PNISR: variants seen among roughly 807,000 people sequenced by gnomAD.
PNISR encodes the protein arginine/serine-rich protein PNISR.
A neutral mutation model predicts 93.4 loss-of-function variants in PNISR; 20 were observed. The ratio of observed to expected loss-of-function variants is 0.21; its 90% confidence interval spans 0.15 to 0.31. The LOEUF is 0.31. PNISR is among the 10% of genes least tolerant of loss of function. The pLI is 1.00. For synonymous variants in PNISR, 305 were observed against 306.5 expected (o/e 0.99, Z 0.05); for missense variants, 893 against 985.4 (o/e 0.91, Z 1.25).
In PNISR at chr6:99,401,710, G is replaced by T. The variant is rs190303680; in HGVS notation, c.1328-80C>A. 146 of 1,121,830 alleles carry T rather than the reference G, an allele frequency of 1.3e-4. No homozygotes were observed. In the East Asian group the frequency reaches 3.6e-3, roughly 27 times the overall value. 69.5% of individuals were successfully genotyped at this position (1,121,830 alleles called of 1,614,324 possible). A position where few individuals can be genotyped will look rare whatever the true frequency, so the allele number is the denominator to read the frequency against. ...CTACCAAATGTCAAGCTACCAGACT[G>T]TAACAATAGAACACCATTTTCAATA... On this transcript the variant is annotated intron_variant, in intron 11 of 11. Coordinates refer to ENST00000369239, the MANE Select transcript of PNISR (RefSeq NM_032870.4).
At chr6:99,403,729 C>A in intron 10 of PNISR, 100 bp downstream of exon 10, 1 of 794,184 alleles carries the variant, frequency 1.3e-6, no homozygotes, top group South Asian at 2.1e-5. Flanking sequence ...TTTTTATAAA[C>A]TGAGTAGGAC....
intron 8 of PNISR, among the ~76,000 whole-genome samples, chr6:99,405,058 C>T (rs1240621804): frequency 7.9e-5 from 12 of 152,114 alleles, no homozygotes; most frequent in African/African-American, 2.4e-4. Flanking sequence ...GGATTACAGG[C>T]GTGAGCCACC....
chr6:99,422,738 G>A (rs1778726751), intron 1 of PNISR, among the ~76,000 whole-genome samples: 1 of 152,054 alleles, frequency 6.6e-6, no homozygotes, highest in African/African-American at 2.4e-5. Flanking sequence ...GCTGGGCATG[G>A]TGGCATATAC....
intron 9 of PNISR, 152 bp from the exon 10 acceptor site, chr6:99,404,034 A>G: frequency 1.7e-6 from 1 of 592,460 alleles, no homozygotes; most frequent in South Asian, 2.2e-5. Context: ...TTAAACCAGT[A>G]TCATGTCTGG....
At chr6:99,407,963 A>G (rs960450155) in intron 7 of PNISR, 118 bp downstream of exon 7, 4 of 693,720 alleles carry the variant, frequency 5.8e-6, no homozygotes, top group South Asian at 4.3e-5. Context: ...ATACTTAATG[A>G]ACGTAATCTT....
Position 99,398,597 on chromosome 6 carries a change from A to C in PNISR, c.*1943T>G, listed in dbSNP as rs1469173760. ...ACGGCAGAGTAAATAAAACTGTCAA[A>C]TACTACTTTTGGCTCTAGTTCATAA... On this transcript the variant is annotated 3_prime_UTR_variant, in exon 12 of 12. Transcript: ENST00000369239. 6.6e-6 allele frequency: 1 copy of C among 152,168 alleles called. No individual in the cohort carries two copies. Among genetic ancestry groups the C allele is most frequent in the African/African-American group, 2.4e-5 (1 of 41,464 alleles). The allele number at this position is 152,168 out of a possible 1,614,324, so 9.4% of individuals were successfully genotyped here.
At chr6:99,425,175 T>A (rs754339849) in intron 1 of PNISR, 40 bp downstream of exon 1, 98 of 1,203,434 alleles carry the variant, frequency 8.1e-5, no homozygotes, top group Non-Finnish European at 9.5e-5. Flanking sequence ...GTTGTAATGG[T>A]CCGGCAAGTG....
intron 10 of PNISR, 170 bp downstream of exon 10, chr6:99,403,659 C>T (rs1027190056): frequency 8.8e-6 from 4 of 453,320 alleles, no homozygotes; most frequent in African/African-American, 4.0e-5. Context: ...ACTGTGAATG[C>T]GTTAGTCAAA....
chr6:99,409,344 G>A lies in PNISR; in HGVS notation c.502C>T (p.His168Tyr), dbSNP rs1295929603. 1.2e-6 allele frequency: 2 copies of A among 1,613,212 alleles called. No individual in the cohort carries two copies. The highest frequency in any genetic ancestry group is 1.7e-6 in the Non-Finnish European group (2 of 1,179,698). ...TGCGGTGGACCAAAAGCAGCCCCATGCTGAAAGAGTATTGCAGTTTATTTT... is the reference window on the plus strand; with the variant it reads ...TGCGGTGGACCAAAAGCAGCCCCATACTGAAAGAGTATTGCAGTTTATTTT... ...VGPVNQFDYQ[H>Y]GAAFGPPQGG... The change falls in exon 6 of 12, where the codon CAT becomes TAT. Residue 168 changes from histidine to tyrosine, a missense_variant and splice_region_variant. By Grantham distance (83) the His-to-Tyr change is moderately conservative. Transcript: ENST00000369239.
At chr6:99,416,842 GGA>G (rs1338408545) in intron 1 of PNISR, among the ~76,000 whole-genome samples, 1 of 152,124 alleles carries the variant, frequency 6.6e-6, no homozygotes, top group Non-Finnish European at 1.5e-5. Flanking sequence ...ACATTAGCAA[GGA>G]GAGAACAGTT....
chr6:99,403,763 C>T (rs1775808579), intron 10 of PNISR, 66 bp downstream of exon 10: 20 of 1,160,166 alleles, frequency 1.7e-5, no homozygotes, highest in Middle Eastern at 1.9e-4. Flanking sequence ...AAATAGAACA[C>T]GCAGAGAGAC....
chr6:99,404,815 G>GAAA, intron 8 of PNISR, 113 bp from the exon 9 acceptor site: 1 of 596,732 alleles, frequency 1.7e-6, no homozygotes, highest in East Asian at 3.0e-5. Context: ...GTCTCACTCT[G>GAAA]TTGCCCAGGC....
At chr6:99,408,342 A>G in intron 6 of PNISR, 71 bp from the exon 7 acceptor site, 1 of 1,071,038 alleles carries the variant, frequency 9.3e-7, no homozygotes, top group Non-Finnish European at 1.4e-6. Context: ...GAGTAAATTT[A>G]AAAAATATCC....
In PNISR at chr6:99,407,984, C is replaced by T. The variant is rs1162680832; in HGVS notation, c.864+97G>A. On this transcript the variant is annotated intron_variant, in intron 7 of 11. Coordinates refer to ENST00000369239, the MANE Select transcript of PNISR (RefSeq NM_032870.4). ...AATGAACGTAATCTTAGGAACATCA[C>T]TCTAATACTTTCCTATAGGCTAAAA... The T allele has an allele frequency of 5.9e-6, 5 of 848,086 alleles. No homozygotes were observed. The African/African-American group carries it at 6.8e-5, about 12-fold the overall frequency. The allele number at this position is 848,086 out of a possible 1,614,324, so 52.5% of individuals were successfully genotyped here.
rs1554216628 is a variant in PNISR at position 99,412,537 on chromosome 6, C to T, written c.277+14G>A. 9.7e-6 allele frequency: 15 copies of T among 1,547,964 alleles called. No individual in the cohort carries two copies. In the South Asian group the frequency reaches 1.2e-4, roughly 13 times the overall value. On this transcript the variant is annotated intron_variant, in intron 4 of 11. Transcript: ENST00000369239. ...TTTAAAAGTCTTAAAATTGTGAAAA[C>T]ATAAACAACAAACCTGGTTGCCACA...
chr6:99,413,577 C>A (rs1449200511), intron 3 of PNISR, among the ~76,000 whole-genome samples: 2 of 152,094 alleles, frequency 1.3e-5, no homozygotes, highest in Non-Finnish European at 2.9e-5. Context: ...TTGCCCACCT[C>A]AGCTTCCCAA....
At chr6:99,422,100 C>T (rs190573891) in intron 1 of PNISR, among the ~76,000 whole-genome samples, 75 of 152,146 alleles carry the variant, frequency 4.9e-4, no homozygotes, top group African/African-American at 1.7e-3. Context: ...CTTCTGGCCT[C>T]AATGATCCAT....
At chr6:99,409,067 TAACAC>T in intron 6 of PNISR, 101 bp downstream of exon 6, 1 of 862,238 alleles carries the variant, frequency 1.2e-6, no homozygotes, top group East Asian at 2.6e-5. Context: ...TGTCAATTCC[TAACAC>T]ATCAGAGATA....
chr6:99,425,060 C>A, intron 1 of PNISR, 155 bp downstream of exon 1: 1 of 419,044 alleles, frequency 2.4e-6, no homozygotes, highest in Non-Finnish European at 4.1e-6. Flanking sequence ...TTTACCAAGT[C>A]TGGCGGACCG....
Sources: gnomAD v4.1 joint callset for allele counts (sites outside exome capture counted in the v4.1 genomes callset) on GRCh38, gnomAD v4.1.1 for gene constraint, MANE v1.5 for transcripts, NCBI Gene and HGNC (gene_info 2026-07-23, HGNC 2026-07-21) for gene names.